Variants in ADARB2 observed in about 807,000 individuals in gnomAD.
The protein encoded by ADARB2 is adenosine deaminase RNA specific B2 (inactive).
Under a neutral mutation model 62.2 loss-of-function variants are expected in ADARB2, and 25 were observed. That is an observed-to-expected ratio of 0.40 (90% confidence interval 0.29 to 0.56). ADARB2 has a LOEUF of 0.56. Ranked by LOEUF, ADARB2 falls within the 20% of genes least tolerant of loss-of-function variation. The pLI, the probability that ADARB2 is intolerant of heterozygous loss-of-function variation, is 0.43. For missense variants in ADARB2, 1,071 were observed against 1,077.4 expected, an observed-to-expected ratio of 0.99 and a Z score of 0.08; for synonymous variants, 572 against 500.8, an observed-to-expected ratio of 1.14 and a Z score of -1.90.
intron 1 of ADARB2, among the ~76,000 whole-genome samples, chr10:1,543,958 C>T (rs1358730756): frequency 6.8e-6 from 1 of 147,512 alleles, no homozygotes; most frequent in Non-Finnish European, 1.5e-5. Context: ...TTGTGATGGT[C>T]CACAGATAGC....
chr10:1,564,747 A>C (rs1832834753), intron 1 of ADARB2, among the ~76,000 whole-genome samples: 1 of 151,972 alleles, frequency 6.6e-6, no homozygotes, highest in East Asian at 1.9e-4. Context: ...CAATCATTAA[A>C]AAGTCAGGAA....
intron 3 of ADARB2, among the ~76,000 whole-genome samples, chr10:1,327,201 C>G (rs1831869236): frequency 9.5e-6 from 1 of 105,268 alleles, no homozygotes; most frequent in African/African-American, 3.6e-5. Context: ...CCCCAAGGCA[C>G]AGCGCCTCCT....
chr10:1,482,325 A>G (rs1283296072), intron 1 of ADARB2, among the ~76,000 whole-genome samples: 1 of 152,242 alleles, frequency 6.6e-6, no homozygotes, highest in Non-Finnish European at 1.5e-5. Context: ...AGGTAGAAAC[A>G]ACCCAAGTGT....
At chr10:1,433,703 C>T (rs1013108552) in intron 1 of ADARB2, among the ~76,000 whole-genome samples, 1 of 152,120 alleles carries the variant, frequency 6.6e-6, no homozygotes, top group African/African-American at 2.4e-5. Context: ...CTGCCCTGCC[C>T]CACTGACAGG....
At chr10:1,571,235 C>A (rs369973519) in intron 1 of ADARB2, among the ~76,000 whole-genome samples, 40 of 152,024 alleles carry the variant, frequency 2.6e-4, no homozygotes, top group African/African-American at 9.4e-4. Flanking sequence ...CAGAGCAAAA[C>A]TGGGATCATA....
intron 1 of ADARB2, among the ~76,000 whole-genome samples, chr10:1,611,217 C>T (rs1481631034): frequency 1.3e-5 from 2 of 152,242 alleles, no homozygotes; most frequent in Middle Eastern, 3.4e-3. Flanking sequence ...GTTTTGGAGG[C>T]GCGGAGTGAA....
At chr10:1,696,428 A>G (rs1208892202) in intron 1 of ADARB2, among the ~76,000 whole-genome samples, 1 of 152,226 alleles carries the variant, frequency 6.6e-6, no homozygotes, top group African/African-American at 2.4e-5. Context: ...AAAATGGTGG[A>G]AATTATATAT....
At chr10:1,425,716 C>A (rs2131887271) in intron 1 of ADARB2, among the ~76,000 whole-genome samples, 1 of 152,380 alleles carries the variant, frequency 6.6e-6, no homozygotes, top group East Asian at 1.9e-4. Flanking sequence ...CCCTTCAGTC[C>A]TTGCCTTTCT....
chr10:1,462,319 A>T (rs556654444), intron 1 of ADARB2, among the ~76,000 whole-genome samples: 4 of 152,216 alleles, frequency 2.6e-5, no homozygotes, highest in Non-Finnish European at 5.9e-5. Flanking sequence ...AGTGAAAGAG[A>T]GCTTCAAGGG....
At chr10:1,339,043 A>G (rs1357830758) in intron 3 of ADARB2, among the ~76,000 whole-genome samples, 1 of 152,196 alleles carries the variant, frequency 6.6e-6, no homozygotes, top group Non-Finnish European at 1.5e-5. Context: ...TTGGTTGGAT[A>G]GGATGTATCT....
rs538138080 is a variant in ADARB2 at position 1,529,300 on chromosome 10, C to T, written c.101-150140G>A. On this transcript the variant is annotated intron_variant, in intron 1 of 9. Coordinates refer to ENST00000381312, the MANE Select transcript of ADARB2 (RefSeq NM_018702.4). ...CCTCCAATCAGTCCATGCACCATCC[C>T]CAACACAAATCCTCCAATAAGTCCA... Among the ~76,000 whole-genome samples the T allele has an allele frequency of 8.3e-4, 126 of 151,642 alleles. 1 individual carries two copies. Among genetic ancestry groups the T allele is most frequent in the African/African-American group, 2.9e-3 (121 of 41,330 alleles).
chr10:1,652,034 C>T (rs143788292), intron 1 of ADARB2, among the ~76,000 whole-genome samples: 25 of 152,340 alleles, frequency 1.6e-4, no homozygotes, highest in African/African-American at 3.8e-4. Context: ...TCCTTGGGGA[C>T]GGGGCTGCGC....
chr10:1,536,984 C>T (rs940844712), intron 1 of ADARB2, among the ~76,000 whole-genome samples: 1 of 152,142 alleles, frequency 6.6e-6, no homozygotes, highest in African/African-American at 2.4e-5. Flanking sequence ...AACTAAAGAG[C>T]TTCTGCACAG....
chr10:1,578,160 T>C (rs1186453696), intron 1 of ADARB2, among the ~76,000 whole-genome samples: 1 of 152,140 alleles, frequency 6.6e-6, no homozygotes, highest in East Asian at 1.9e-4. Context: ...AGGATGGAAA[T>C]TTGAACGAGG....
chr10:1,636,734 G>A (rs1323915874), intron 1 of ADARB2, among the ~76,000 whole-genome samples: 5 of 148,058 alleles, frequency 3.4e-5, no homozygotes, highest in South Asian at 2.1e-4. Context: ...GATATATACC[G>A]ATATGATGTA....
Position 1,214,625 on chromosome 10 carries a change from A to T in ADARB2, c.1682+2326T>A, listed in dbSNP as rs567066153. Among the ~76,000 whole-genome samples, 3 of 152,322 alleles carry T rather than the reference A, an allele frequency of 2.0e-5. No homozygotes were observed. The South Asian group carries it at 6.2e-4, about 32-fold the overall frequency. ...GATGTTGAAGATCCCAGGGACGGCC[A>T]AGTTTCAATTCTGTAGGTGCTAATT... On this transcript the variant is annotated intron_variant, in intron 7 of 9. Transcript: ENST00000381312.
At chr10:1,571,717 T>C (rs1323471519) in intron 1 of ADARB2, among the ~76,000 whole-genome samples, 1 of 126,266 alleles carries the variant, frequency 7.9e-6, no homozygotes, top group Non-Finnish European at 1.6e-5. Context: ...CAGGTGAGTG[T>C]GCTGGTGAGT....
intron 4 of ADARB2, among the ~76,000 whole-genome samples, chr10:1,263,182 A>C (rs112145033): frequency 0.027 from 4,064 of 151,542 alleles, 182 homozygotes; most frequent in African/African-American, 0.093. Flanking sequence ...CCTAATGCTA[A>C]ATGATGAGTT....
intron 1 of ADARB2, among the ~76,000 whole-genome samples, chr10:1,540,548 C>G (rs112354005): frequency 1.2e-5 from 1 of 86,650 alleles, no homozygotes. Flanking sequence ...CCCTGGATCA[C>G]AGCCGTCCAG....
Sources: gnomAD v4.1 joint callset for allele counts (sites outside exome capture counted in the v4.1 genomes callset) on GRCh38, gnomAD v4.1.1 for gene constraint, MANE v1.5 for transcripts, NCBI Gene and HGNC (gene_info 2026-07-23, HGNC 2026-07-21) for gene names.